Variants in EXOC3 observed in about 807,000 individuals in gnomAD.
The protein encoded by EXOC3 is exocyst complex component 3, also known as SEC6-like 1.
In EXOC3, 21 loss-of-function variants were observed where a neutral mutation model predicts 73.7. The ratio of observed to expected loss-of-function variants is 0.29; its 90% confidence interval spans 0.20 to 0.41. The LOEUF (loss-of-function observed/expected upper bound fraction) is 0.41. Ranked by LOEUF, EXOC3 falls within the 10% of genes least tolerant of loss-of-function variation. The pLI is 1.00. For missense variants in EXOC3, 842 were observed against 985.1 expected, an observed-to-expected ratio of 0.85 and a Z score of 1.95; for synonymous variants, 410 against 389.1, an observed-to-expected ratio of 1.05 and a Z score of -0.63.
At position 453,518 on chromosome 5, in the gene EXOC3, C is replaced by T. The variant is rs748653536; in HGVS notation, c.513C>T (p.Thr171=). The part of the protein sequence containing the change: ...RMDSGNTRDM[T]LIHGYFGSTQ... ...ACAGTGGGAACACGCGTGACATGAC[C>T]CTCATCCATGGCTACTTTGGCAGCA... is the stretch of plus-strand genomic sequence containing the variant. Residue 171 remains threonine (T), a synonymous_variant, in exon 4 of 13, where the codon ACC becomes ACT. Coordinates refer to ENST00000512944, the MANE Select transcript of EXOC3 (RefSeq NM_007277.5). 1 of 1,614,000 alleles carries T rather than the reference C, an allele frequency of 6.2e-7. No individual in the cohort carries two copies. The highest frequency in any genetic ancestry group is 2.2e-5 in the East Asian group (1 of 44,880).
chr5:458,438 C>T (rs1250723284), intron 6 of EXOC3, among the ~76,000 whole-genome samples: 5 of 152,242 alleles, frequency 3.3e-5, no homozygotes, highest in African/African-American at 7.2e-5. Flanking sequence ...GAGTCTCACT[C>T]TGTTGCCCAG....
Position 467,228 on chromosome 5 carries a change from C to A in EXOC3, c.*330C>A. On this transcript the variant is annotated 3_prime_UTR_variant, in exon 13 of 13. Transcript: ENST00000512944. ...CTCCTCCCTGGGCCTTCACCGCACC[C>A]CATCTGCTTAAGTGCTCGGAACCCC... 1 of 302,174 alleles carries A rather than the reference C, an allele frequency of 3.3e-6. No individual in the cohort carries two copies. The highest frequency in any genetic ancestry group is 6.1e-6 in the Non-Finnish European group (1 of 163,356). 18.7% of individuals were successfully genotyped at this position (302,174 alleles called of 1,614,324 possible).
chr5:445,749 C>T (rs1247213492), intron 1 of EXOC3, among the ~76,000 whole-genome samples: 4 of 152,162 alleles, frequency 2.6e-5, no homozygotes, highest in African/African-American at 9.7e-5. Context: ...CTGTATTTGT[C>T]TTCACTGAGG....
chr5:454,002 G>A lies in EXOC3; in HGVS notation c.997G>A (p.Ala333Thr), dbSNP rs1422220018. Reference protein sequence around the residue: ...MQDLASEDLEANEIVSLLTWV... With the variant: ...MQDLASEDLETNEIVSLLTWV... ...GGACCTCGCATCGGAAGACCTGGAAGCCAATGAGATCGTGAGCCTCTTGAC... is the reference window on the plus strand; with the variant it reads ...GGACCTCGCATCGGAAGACCTGGAAACCAATGAGATCGTGAGCCTCTTGAC... The change falls in exon 4 of 13, where the codon GCC (alanine) becomes ACC (threonine). Residue 333 changes from alanine (A) to threonine (T), a missense_variant. Transcript: ENST00000512944. 31 of 1,613,484 alleles carry A rather than the reference G, an allele frequency of 1.9e-5. No homozygotes were observed. The highest frequency in any genetic ancestry group is 2.5e-5 in the Non-Finnish European group (29 of 1,179,620).
At chr5:456,449 C>G (rs1285656043) in intron 4 of EXOC3, among the ~76,000 whole-genome samples, 2 of 152,046 alleles carry the variant, frequency 1.3e-5, no homozygotes, top group African/African-American at 4.8e-5. Context: ...TTCAGCGCCT[C>G]CTGTTTGCCA....
At chr5:462,119 C>T (rs775067205) in intron 8 of EXOC3, 38 bp from the exon 9 acceptor site, 3 of 1,609,522 alleles carry the variant, frequency 1.9e-6, no homozygotes, top group Non-Finnish European at 1.7e-6. Context: ...GGCCGGCCTG[C>T]CCAGCCGCTG....
At chr5:464,466 C>A in intron 10 of EXOC3, 54 bp downstream of exon 10, 1 of 1,588,132 alleles carries the variant, frequency 6.3e-7, no homozygotes, top group Middle Eastern at 1.7e-4. Flanking sequence ...GCTCACCTCT[C>A]ACCCTGCTCA....
At chr5:456,749 C>G in intron 4 of EXOC3, 140 bp from the exon 5 acceptor site, 1 of 700,588 alleles carries the variant, frequency 1.4e-6, no homozygotes, top group South Asian at 1.7e-5. Context: ...GCACTTTCCC[C>G]TGAGCTGTGG....
intron 2 of EXOC3, 113 bp downstream of exon 2, chr5:446,462 G>A (rs12654521): frequency 0.4 from 395,934 of 993,778 alleles, 82,606 homozygotes; most frequent in African/African-American, 0.65. Context: ...AGGAGGCAGA[G>A]CTGGACTTTC....
Position 446,214 on chromosome 5 carries a change from G to T in EXOC3, c.9G>T (p.Glu3Asp), listed in dbSNP as rs1453535300. 25 of 1,613,880 alleles carry T rather than the reference G, an allele frequency of 1.5e-5. No individual in the cohort carries two copies. The highest frequency in any genetic ancestry group is 2.1e-5 in the Non-Finnish European group (25 of 1,179,888). ...CCACCAGCTTTTTCACCATGAAGGA[G>T]ACAGACCGGGAGGCCGTTGCGACAG... is the stretch of plus-strand genomic sequence containing the variant. MK[E>D]TDREAVATAV... The change falls in exon 2 of 13, where the codon GAG (glutamate) becomes GAT (aspartate). Residue 3 changes from glutamate to aspartate, a missense_variant. Physicochemically the swap from Glu to Asp is conservative, Grantham distance 45. Coordinates refer to ENST00000512944, the MANE Select transcript of EXOC3 (RefSeq NM_007277.5).
At position 443,229 on chromosome 5, in the gene EXOC3, G is replaced by GGGCGGCGGCGGCGGCGGCGGCGGC. The variant is rs11274307; in HGVS notation, c.-92_-69dup. The GGGCGGCGGCGGCGGCGGCGGCGGC allele has an allele frequency of 3.7e-4, 51 of 138,910 alleles. No individual in the cohort carries two copies. Among genetic ancestry groups the GGGCGGCGGCGGCGGCGGCGGCGGC allele is most frequent in the East Asian group, 1.2e-3 (6 of 5,042 alleles). The allele number at this position is 138,910 out of a possible 1,614,324, so 8.6% of individuals were successfully genotyped here. On this transcript the variant is annotated 5_prime_UTR_variant, in exon 1 of 13. Coordinates refer to ENST00000512944, the MANE Select transcript of EXOC3 (RefSeq NM_007277.5). ...GCAGCGAAGGCGGAGGGGGCGGCGG[G>GGGCGGCGGCGGCGGCGGCGGCGGC]GGCGGCGGCGGCGGCGGCGGCGGCG...
chr5:461,890 G>A lies in EXOC3; in HGVS notation c.1392-70G>A, dbSNP rs1737996338. The A allele has an allele frequency of 7.4e-6, 8 of 1,076,844 alleles. No individual in the cohort carries two copies. In the East Asian group the frequency reaches 1.0e-4, roughly 14 times the overall value. The allele number at this position is 1,076,844 out of a possible 1,614,324, so 66.7% of individuals were successfully genotyped here. A position where few individuals can be genotyped will look rare whatever the true frequency, so the allele number is the denominator to read the frequency against. On this transcript the variant is annotated intron_variant, in intron 7 of 12. Coordinates refer to ENST00000512944, the MANE Select transcript of EXOC3 (RefSeq NM_007277.5). ...TGTGAAATTTCAGGCCAGGCGTGAC[G>A]TCAGCGTGGCATTTGAAACAGCTCC...
rs1737504178 is a variant in EXOC3 at position 446,306 on chromosome 5, G to A, written c.101G>A (p.Arg34Lys). The change falls in exon 2 of 13, where the codon AGG becomes AAG. Residue 34 changes from arginine to lysine, a missense_variant. By Grantham distance (26) the Arg-to-Lys change is conservative (BLOSUM62 2). Transcript: ENST00000512944. ...DQLDKVEQYR[R>K]REARKKASVE... ...CTGGACAAGGTGGAGCAGTATCGCAGGAGAGAAGCGCGGAAGAAGGCCTCC... is the reference window on the plus strand; with the variant it reads ...CTGGACAAGGTGGAGCAGTATCGCAAGAGAGAAGCGCGGAAGAAGGCCTCC... 6.2e-7 allele frequency: 1 copy of A among 1,613,662 alleles called. No individual in the cohort carries two copies. The highest frequency in any genetic ancestry group is 8.5e-7 in the Non-Finnish European group (1 of 1,179,728).
At chr5:454,126 G>A (rs1737735722) in intron 4 of EXOC3, 75 bp downstream of exon 4, 3 of 1,275,258 alleles carry the variant, frequency 2.4e-6, no homozygotes, top group African/African-American at 1.5e-5. Flanking sequence ...CTGCTTGCTG[G>A]AGAGCCGACC....
chr5:446,409 C>A, intron 2 of EXOC3, 60 bp downstream of exon 2: 2 of 1,463,858 alleles, frequency 1.4e-6, no homozygotes, highest in Non-Finnish European at 1.8e-6. Context: ...TGCTTGACAT[C>A]ACCATGATGA....
chr5:457,850 G>A (rs1160961966), intron 5 of EXOC3, 50 bp from the exon 6 acceptor site: 1 of 1,572,244 alleles, frequency 6.4e-7, no homozygotes, highest in Admixed American at 1.8e-5. Context: ...ATGACCCTCA[G>A]GCACCTGCTC....
intron 8 of EXOC3, 30 bp downstream of exon 8, chr5:462,100 A>C: frequency 6.3e-7 from 1 of 1,575,216 alleles, no homozygotes; most frequent in South Asian, 1.1e-5. Flanking sequence ...GTGGCGGGGG[A>C]GCGGTGGAGG....
At position 453,355 on chromosome 5, in the gene EXOC3, G is replaced by A. The variant is rs751056702; in HGVS notation, c.365-15G>A. Reference sequence around the variant, plus strand: ...GTGGTGGTTGTTTATGTTGTGTCTTGTGCCTTCTCCCTAGTGCCTGAGATT... The same window carrying A: ...GTGGTGGTTGTTTATGTTGTGTCTTATGCCTTCTCCCTAGTGCCTGAGATT... On this transcript the variant is annotated splice_polypyrimidine_tract_variant and intron_variant, in intron 3 of 12. Coordinates refer to ENST00000512944, the MANE Select transcript of EXOC3 (RefSeq NM_007277.5). 27 of 1,552,576 alleles carry A rather than the reference G, an allele frequency of 1.7e-5. No homozygotes were observed. In the African/African-American group the frequency reaches 3.7e-4, roughly 21 times the overall value.
chr5:465,161 G>C lies in EXOC3; in HGVS notation c.1827G>C (p.Ala609=), dbSNP rs1000415538. The C allele has an allele frequency of 6.3e-7, 1 of 1,596,892 alleles. No homozygotes were observed. The change falls in exon 11 of 13, where the codon GCG becomes GCC. Residue 609 remains alanine (A), a synonymous_variant. Coordinates refer to ENST00000512944, the MANE Select transcript of EXOC3 (RefSeq NM_007277.5). The part of the protein sequence containing the change: ...HRRVVVEYLR[A]VMQKRISFRS... ...GCGTGGTGGTGGAGTACCTGCGGGC[G>C]GTCATGCAGAAGCGCATTTCCTTCC...
Sources: allele counts gnomAD v4.1 joint callset (sites outside exome capture counted in the v4.1 genomes callset), GRCh38; gene constraint gnomAD v4.1.1; transcripts MANE v1.5; gene names NCBI Gene and HGNC (gene_info 2026-07-23, HGNC 2026-07-21).